MEOX2: variants seen among roughly 807,000 people sequenced by gnomAD.
MEOX2 encodes mesenchyme homeobox 2.
MEOX2 carries 11 observed loss-of-function variants against 27.0 expected under a neutral mutation model. The observed-to-expected ratio is 0.41, with a 90% confidence interval of 0.26 to 0.68. MEOX2 has a LOEUF of 0.68. MEOX2 is among the 30% of genes least tolerant of loss of function. MEOX2 has a pLI of 0.33. For missense variants in MEOX2, 436 were observed against 385.4 expected, an observed-to-expected ratio of 1.13 and a Z score of -1.10; for synonymous variants, 189 against 155.4, an observed-to-expected ratio of 1.22 and a Z score of -1.61.
rs188552413 is a variant in MEOX2, at chr7:15,635,300, G to C, written c.518-8382C>G. 1.7e-4 allele frequency among the ~76,000 whole-genome samples: 26 copies of C among 152,032 alleles called. No homozygotes were observed. In the South Asian group the frequency reaches 2.7e-3, roughly 16 times the overall value. On this transcript the variant is annotated intron_variant, in intron 1 of 2. Coordinates refer to ENST00000262041, the MANE Select transcript of MEOX2 (RefSeq NM_005924.5). ...ACTCCTGAAATATCCTTTACCTACT[G>C]CATGGCCTTTTCACAACAAGGATTT...
At chr7:15,636,830 G>A (rs1232784682) in intron 1 of MEOX2, among the ~76,000 whole-genome samples, 1 of 152,000 alleles carries the variant, frequency 6.6e-6, no homozygotes. Context: ...AGTGCTTTCT[G>A]GCTGCATCCT....
At chr7:15,648,999 G>C (rs1781692137) in intron 1 of MEOX2, among the ~76,000 whole-genome samples, 1 of 152,014 alleles carries the variant, frequency 6.6e-6, no homozygotes, top group Non-Finnish European at 1.5e-5. Flanking sequence ...CAGTTGACCT[G>C]AATTCTGGGA....
intron 1 of MEOX2, among the ~76,000 whole-genome samples, 181 bp from the exon 2 acceptor site, chr7:15,627,099 TC>T (rs1285436433): frequency 6.6e-6 from 1 of 152,026 alleles, no homozygotes; most frequent in Non-Finnish European, 1.5e-5. Flanking sequence ...CTTATTTTTT[TC>T]ATCTTCCTTC....
intron 1 of MEOX2, among the ~76,000 whole-genome samples, chr7:15,652,864 T>C (rs1363882579): frequency 6.6e-6 from 1 of 152,054 alleles, no homozygotes; most frequent in Non-Finnish European, 1.5e-5. Flanking sequence ...CCACTGTTTG[T>C]TTAACCATTT....
chr7:15,615,279 A>T (rs1781104194), intron 2 of MEOX2, among the ~76,000 whole-genome samples: 1 of 152,030 alleles, frequency 6.6e-6, no homozygotes, highest in South Asian at 2.1e-4. Context: ...CTTACCTAAG[A>T]TTACACAGAA....
chr7:15,670,578 A>G (rs192236327), intron 1 of MEOX2, among the ~76,000 whole-genome samples: 7 of 152,342 alleles, frequency 4.6e-5, no homozygotes, highest in Non-Finnish European at 7.3e-5. Context: ...GTAGCCACAT[A>G]TATCTATTGA....
intron 1 of MEOX2, among the ~76,000 whole-genome samples, chr7:15,662,506 G>A (rs896300193): frequency 6.6e-6 from 1 of 151,962 alleles, no homozygotes; most frequent in Non-Finnish European, 1.5e-5. Context: ...AATGATACTA[G>A]ATTCAAAATA....
chr7:15,632,180 A>G (rs1293184080), intron 1 of MEOX2, among the ~76,000 whole-genome samples: 1 of 151,828 alleles, frequency 6.6e-6, no homozygotes, highest in Non-Finnish European at 1.5e-5. Context: ...GTATTAGAAC[A>G]AAGTCTTTCT....
chr7:15,625,256 A>G (rs1052702275), intron 2 of MEOX2, among the ~76,000 whole-genome samples: 10 of 152,210 alleles, frequency 6.6e-5, no homozygotes, highest in Admixed American at 4.6e-4. Flanking sequence ...TGTTTAAAAA[A>G]AATAATAAAA....
chr7:15,624,175 A>C (rs140484636), intron 2 of MEOX2, among the ~76,000 whole-genome samples: 31 of 152,260 alleles, frequency 2.0e-4, no homozygotes, highest in African/African-American at 7.2e-4. Flanking sequence ...ATAACAATTA[A>C]ATTCTTTTTG....
intron 1 of MEOX2, among the ~76,000 whole-genome samples, chr7:15,644,299 G>T (rs1489084937): frequency 1.3e-5 from 2 of 152,120 alleles, no homozygotes; most frequent in South Asian, 2.1e-4. Context: ...AGGTCTGTAG[G>T]GGTTGTGGAA....
chr7:15,652,420 G>T (rs906701646), intron 1 of MEOX2, among the ~76,000 whole-genome samples: 8 of 151,956 alleles, frequency 5.3e-5, no homozygotes, highest in Non-Finnish European at 1.2e-4. Context: ...ATATAAGCAG[G>T]TCTTCTATTC....
At chr7:15,646,860 TA>T (rs1478819546) in intron 1 of MEOX2, among the ~76,000 whole-genome samples, 1 of 151,962 alleles carries the variant, frequency 6.6e-6, no homozygotes, top group Non-Finnish European at 1.5e-5. Flanking sequence ...TTCTATTTAT[TA>T]ATATTCTGTT....
At chr7:15,621,884 C>T (rs994502852) in intron 2 of MEOX2, among the ~76,000 whole-genome samples, 11 of 152,090 alleles carry the variant, frequency 7.2e-5, no homozygotes, top group African/African-American at 1.7e-4. Flanking sequence ...TTTGGGAGGC[C>T]GAGGCTGGTG....
rs140551110 is a variant in MEOX2, at chr7:15,662,424, G to A, written c.517+23462C>T. Among the ~76,000 whole-genome samples, 208 of 151,964 alleles carry A rather than the reference G, an allele frequency of 1.4e-3. 1 individual carries two copies. In the East Asian group the frequency reaches 0.035, roughly 25 times the overall value. On this transcript the variant is annotated intron_variant, in intron 1 of 2. Transcript: ENST00000262041. ...ATTTTAAAAATCTGTATACCAAACT[G>A]CTCCAATAGCATGAATATCAGCTGC...
At chr7:15,629,963 AC>A (rs1781376240) in intron 1 of MEOX2, among the ~76,000 whole-genome samples, 1 of 151,800 alleles carries the variant, frequency 6.6e-6, no homozygotes, top group South Asian at 2.1e-4. Flanking sequence ...CTTTTCTTCA[AC>A]CTCCCATATC....
At chr7:15,626,645 G>T (rs1250657934) in intron 2 of MEOX2, 101 bp downstream of exon 2, 2 of 784,442 alleles carry the variant, frequency 2.5e-6, no homozygotes, top group South Asian at 2.1e-5. Flanking sequence ...CTTCCAAATG[G>T]TATTCAAGAA....
intron 1 of MEOX2, among the ~76,000 whole-genome samples, chr7:15,684,701 C>A (rs1177236328): frequency 6.6e-6 from 1 of 152,136 alleles, no homozygotes; most frequent in Non-Finnish European, 1.5e-5. Context: ...GGATTACCTT[C>A]TAGGACTATT....
At chr7:15,655,700 A>G (rs1231697534) in intron 1 of MEOX2, among the ~76,000 whole-genome samples, 2 of 151,722 alleles carry the variant, frequency 1.3e-5, no homozygotes, top group African/African-American at 4.8e-5. Flanking sequence ...TTTAATTTCA[A>G]TTTGGTTAGA....
Sources: allele counts gnomAD v4.1 joint callset (sites outside exome capture counted in the v4.1 genomes callset), GRCh38; gene constraint gnomAD v4.1.1; transcripts MANE v1.5; gene names NCBI Gene and HGNC (gene_info 2026-07-23, HGNC 2026-07-21).